Variants in ATP2B2 observed in about 807,000 individuals in gnomAD.
The protein encoded by ATP2B2 is ATPase plasma membrane Ca2+ transporting 2, also known as plasma membrane calcium-transporting ATPase 2.
ATP2B2 carries 15 observed loss-of-function variants against 120.0 expected under a neutral mutation model. The ratio of observed to expected loss-of-function variants is 0.12; its 90% CI spans 0.08 to 0.19. The LOEUF is 0.19. ATP2B2 is among the 10% of genes least tolerant of loss of function. ATP2B2 has a pLI of 1.00. For missense variants in ATP2B2, 1,045 were observed against 1,719.8 expected, an observed-to-expected ratio of 0.61 and a Z score of 6.94; for synonymous variants, 694 against 700.3, an observed-to-expected ratio of 0.99 and a Z score of 0.14.
At chr3:10,655,259 T>C (rs1179171232) in intron 1 of ATP2B2, among the ~76,000 whole-genome samples, 1 of 132,026 alleles carries the variant, frequency 7.6e-6, no homozygotes, top group African/African-American at 3.5e-5. Flanking sequence ...CCCTCCACTC[T>C]CCTCCCTCTC....
intron 1 of ATP2B2, among the ~76,000 whole-genome samples, chr3:10,495,350 C>T (rs11925329): frequency 6.6e-6 from 1 of 152,142 alleles, no homozygotes; most frequent in East Asian, 1.9e-4. Flanking sequence ...CCTCTTAGGT[C>T]CAATGCAAAG....
intron 9 of ATP2B2, among the ~76,000 whole-genome samples, chr3:10,378,933 G>A (rs2061453354): frequency 6.6e-6 from 1 of 152,194 alleles, no homozygotes; most frequent in African/African-American, 2.4e-5. Context: ...TGACCCTTTT[G>A]GACAGAGACT....
At chr3:10,332,016 G>A (rs1405770068) in intron 22 of ATP2B2, 1 of 1,550,348 alleles carries the variant, frequency 6.5e-7, no homozygotes, top group Non-Finnish European at 8.7e-7. Flanking sequence ...GCTGAACTCT[G>A]TGTCCAGGGT....
chr3:10,327,414 C>T lies in ATP2B2; in HGVS notation c.*1400G>A, dbSNP rs757838934. The T allele has an allele frequency of 6.6e-6, 1 of 152,546 alleles. No homozygotes were observed. The highest frequency in any genetic ancestry group is 1.5e-5 in the Non-Finnish European group (1 of 68,034). The allele number at this position is 152,546 out of a possible 1,614,324, so 9.4% of individuals were successfully genotyped here. ...AAGGTTCATTCGGATCTAAATAGTG[C>T]AGAGAAAAAGGCTATTCTTCTTCAA... On this transcript the variant is annotated 3_prime_UTR_variant, in exon 23 of 23. Coordinates refer to ENST00000360273, the MANE Select transcript of ATP2B2 (RefSeq NM_001001331.4).
In ATP2B2 at chr3:10,605,653, G is replaced by GTTT. The variant is rs5846675; in HGVS notation, c.-415+14261_-415+14263dup. ...AACACACTGGGACCCTATCTTTACA[G>GTTT]TTTTTTTTTTTTTGAGACAGAGTCT... On this transcript the variant is annotated intron_variant, in intron 2 of 21. Coordinates refer to the ATP2B2 transcript ENST00000646379. Among the ~76,000 whole-genome samples the GTTT allele has an allele frequency of 5.4e-4, 79 of 147,072 alleles. 1 individual carries two copies. The South Asian group carries it at 0.011, about 20-fold the overall frequency.
intron 1 of ATP2B2, among the ~76,000 whole-genome samples, chr3:10,476,976 G>A (rs1481071214): frequency 1.3e-5 from 2 of 152,218 alleles, no homozygotes; most frequent in African/African-American, 2.4e-5. Context: ...GAGCATTCTA[G>A]AAGCCACTCA....
chr3:10,334,825 T>C (rs1261964930), intron 22 of ATP2B2, among the ~76,000 whole-genome samples: 2 of 152,032 alleles, frequency 1.3e-5, no homozygotes, highest in Non-Finnish European at 2.9e-5. Flanking sequence ...GGGGTTGTGT[T>C]GTGGGTGTTC....
intron 2 of ATP2B2, among the ~76,000 whole-genome samples, chr3:10,604,223 G>A (rs10865703): frequency 0.9 from 137,263 of 152,072 alleles, 61,999 homozygotes; most frequent in Middle Eastern, 0.97. Context: ...CTCTCACCCC[G>A]TAGCCATGGC....
In ATP2B2 at chr3:10,606,895, A is replaced by ACACACACG. The variant is rs1553638474; in HGVS notation, c.-415+13021_-415+13022insCGTGTGTG. On this transcript the variant is annotated intron_variant, in intron 2 of 21. Transcript: ENST00000646379. ...ACGGAGTCTAAACACACACACACACACACACACACACACACACAGAGAGAG... is the reference window on the plus strand; with the variant it reads ...ACGGAGTCTAAACACACACACACACACACACACGCACACACACACACACACAGAGAGAG... Among the ~76,000 whole-genome samples the ACACACACG allele has an allele frequency of 8.4e-4, 30 of 35,756 alleles. No homozygotes were observed. The East Asian group carries it at 0.02, about 23-fold the overall frequency. 23.5% of individuals were successfully genotyped at this position (35,756 alleles called of 152,430 possible).
intron 2 of ATP2B2, among the ~76,000 whole-genome samples, chr3:10,439,857 G>C (rs1028442757): frequency 1.3e-5 from 2 of 151,914 alleles, no homozygotes; most frequent in South Asian, 2.1e-4. Context: ...CCGGGTTCAA[G>C]TGATTCTTGT....
At chr3:10,506,641 C>T (rs1433479316), upstream of ATP2B2, among the ~76,000 whole-genome samples, 3 of 151,812 alleles carry the variant, frequency 2.0e-5, no homozygotes, top group African/African-American at 7.3e-5. Flanking sequence ...TGCCCTGCCC[C>T]CTCCAGGAGG....
chr3:10,459,762 C>T (rs1030688035), intron 1 of ATP2B2, among the ~76,000 whole-genome samples: 1 of 152,266 alleles, frequency 6.6e-6, no homozygotes, highest in African/African-American at 2.4e-5. Flanking sequence ...GCTTTATGCA[C>T]TTAGCTTGTT....
intron 3 of ATP2B2, among the ~76,000 whole-genome samples, chr3:10,533,836 A>T (rs1306526446): frequency 6.6e-6 from 1 of 152,224 alleles, no homozygotes; most frequent in African/African-American, 2.4e-5. Context: ...CCTAATTCAA[A>T]TGCCATAGGG....
At chr3:10,525,846 T>C (rs891505875) in intron 3 of ATP2B2, among the ~76,000 whole-genome samples, 5 of 152,164 alleles carry the variant, frequency 3.3e-5, no homozygotes, top group African/African-American at 1.2e-4. Context: ...GGTTCTCCAA[T>C]TTGCCACAGT....
intron 11 of ATP2B2, among the ~76,000 whole-genome samples, chr3:10,374,221 C>T (rs534390812): frequency 1.4e-4 from 22 of 152,302 alleles, no homozygotes; most frequent in African/African-American, 4.6e-4. Flanking sequence ...GCTGTGGAGG[C>T]CCCCTACTCG....
At chr3:10,518,447 A>AGAATGCCTCC (rs1335645093) in intron 3 of ATP2B2, among the ~76,000 whole-genome samples, 1 of 152,112 alleles carries the variant, frequency 6.6e-6, no homozygotes. Flanking sequence ...GTTAGAAGGG[A>AGAATGCCTCC]TAGGGGAGGC....
intron 12 of ATP2B2, among the ~76,000 whole-genome samples, chr3:10,361,024 C>A (rs537072959): frequency 1.9e-4 from 29 of 152,128 alleles, no homozygotes; most frequent in Non-Finnish European, 3.1e-4. Flanking sequence ...CTGTAACTTT[C>A]GGAGCTTGGC....
At chr3:10,691,724 G>T (rs927683262) in intron 1 of ATP2B2, among the ~76,000 whole-genome samples, 1 of 152,232 alleles carries the variant, frequency 6.6e-6, no homozygotes, top group Non-Finnish European at 1.5e-5. Flanking sequence ...GCCCAGCGCT[G>T]AATGCCAGCT....
intron 2 of ATP2B2, among the ~76,000 whole-genome samples, chr3:10,600,880 CG>C (rs1188817418): frequency 2.0e-5 from 3 of 152,156 alleles, no homozygotes; most frequent in Non-Finnish European, 2.9e-5. Flanking sequence ...AAACACATGG[CG>C]GTCAGGCAAA....
Sources: allele counts gnomAD v4.1 joint callset (sites outside exome capture counted in the v4.1 genomes callset), GRCh38; gene constraint gnomAD v4.1.1; transcripts MANE v1.5; gene names NCBI Gene and HGNC (gene_info 2026-07-23, HGNC 2026-07-21).